CLVS1: variants seen among roughly 807,000 people sequenced by gnomAD.
CLVS1 encodes the protein clavesin-1.
A neutral mutation model predicts 33.1 loss-of-function variants in CLVS1; 10 were observed. The ratio of observed to expected loss-of-function variants is 0.30; its 90% confidence interval spans 0.19 to 0.51. The LOEUF is 0.51. CLVS1 is among the 20% of genes least tolerant of loss of function. The pLI is 0.97. For synonymous variants in CLVS1, 163 were observed against 166.1 expected (o/e 0.98, Z 0.14); for missense variants, 343 against 433.4 (o/e 0.79, Z 1.85).
intron 2 of CLVS1, 46 bp downstream of exon 2, chr8:61,300,328 A>G: frequency 6.7e-7 from 1 of 1,481,722 alleles, no homozygotes. Context: ...TGCTATAAGC[A>G]TTATCACTGC....
intron 2 of CLVS1, among the ~76,000 whole-genome samples, chr8:61,302,805 C>T (rs746181682): frequency 1.7e-3 from 257 of 152,128 alleles, no homozygotes; most frequent in Non-Finnish European, 3.0e-3. Context: ...GAAAGCATTG[C>T]GAGGGAGGCC....
the CLVS1 span, among the ~76,000 whole-genome samples, chr8:60,978,185 A>T: frequency 6.6e-6 from 1 of 152,276 alleles, no homozygotes; most frequent in Non-Finnish European, 1.5e-5. Context: ...GACAGTAGAT[A>T]TTAATAGTAA....
At chr8:61,403,596 T>C (rs1469391429) in intron 3 of CLVS1, among the ~76,000 whole-genome samples, 1 of 152,120 alleles carries the variant, frequency 6.6e-6, no homozygotes, top group African/African-American at 2.4e-5. Context: ...GTGTGATATT[T>C]AAAAATGAGA....
the CLVS1 span, among the ~76,000 whole-genome samples, chr8:61,025,835 C>G: frequency 2.0e-5 from 3 of 152,174 alleles, no homozygotes; most frequent in Non-Finnish European, 2.9e-5. Context: ...TAGCCTAATA[C>G]AATAATTTGT....
intron 2 of CLVS1, among the ~76,000 whole-genome samples, chr8:61,233,539 A>C (rs1324460740): frequency 3.3e-5 from 5 of 151,908 alleles, no homozygotes; most frequent in Admixed American, 2.6e-4. Flanking sequence ...GAAAAAGAAA[A>C]AGAAAAAAAA....
chr8:61,073,065 G>A (rs1055451160), intron 1 of CLVS1, among the ~76,000 whole-genome samples: 1 of 152,136 alleles, frequency 6.6e-6, no homozygotes, highest in Non-Finnish European at 1.5e-5. Flanking sequence ...AGGAATGGGA[G>A]CAGTATAGTG....
intron 3 of CLVS1, among the ~76,000 whole-genome samples, chr8:61,416,540 G>T (rs115048731): frequency 1.3e-5 from 2 of 152,100 alleles, no homozygotes; most frequent in African/African-American, 4.8e-5. Context: ...TGTATAATGG[G>T]CATTAGCTCC....
At chr8:61,480,920 C>T (rs1281716191) in intron 5 of CLVS1, among the ~76,000 whole-genome samples, 1 of 152,140 alleles carries the variant, frequency 6.6e-6, no homozygotes, top group Non-Finnish European at 1.5e-5. Flanking sequence ...GTGATCCGCA[C>T]TTCTCAGCTG....
intron 2 of CLVS1, among the ~76,000 whole-genome samples, chr8:61,166,754 C>G (rs1202721747): frequency 1.3e-5 from 2 of 151,958 alleles, no homozygotes; most frequent in African/African-American, 2.4e-5. Context: ...ATGCAAAGAG[C>G]CGGGAAACAG....
intron 2 of CLVS1, among the ~76,000 whole-genome samples, chr8:61,150,120 G>GTGTGTGTGTGTGTGTA (rs1563421704): frequency 2.6e-5 from 4 of 151,964 alleles, no homozygotes; most frequent in Non-Finnish European, 1.5e-5. Context: ...GTGTGTGTGT[G>GTGTGTGTGTGTGTGTA]TGTGTGTGAC....
At chr8:61,044,286 C>T in the CLVS1 span, among the ~76,000 whole-genome samples, 4 of 152,156 alleles carry the variant, frequency 2.6e-5, no homozygotes, top group South Asian at 8.3e-4. Flanking sequence ...CTGTATGCCA[C>T]GTGAAAAATA....
intron 1 of CLVS1, among the ~76,000 whole-genome samples, chr8:61,068,668 C>T (rs1252618355): frequency 6.6e-6 from 1 of 152,098 alleles, no homozygotes; most frequent in Non-Finnish European, 1.5e-5. Context: ...CAGTCTTCTA[C>T]AATTTACCTA....
chr8:61,256,889 A>G (rs996769770), intron 2 of CLVS1, among the ~76,000 whole-genome samples: 1 of 152,208 alleles, frequency 6.6e-6, no homozygotes, highest in Non-Finnish European at 1.5e-5. Context: ...CAAGTTTTAG[A>G]ATCCAGAGCT....
intron 1 of CLVS1, among the ~76,000 whole-genome samples, chr8:61,116,438 C>T (rs540579992): frequency 9.3e-4 from 142 of 152,304 alleles, no homozygotes; most frequent in African/African-American, 3.3e-3. Flanking sequence ...GACAGGAAGT[C>T]CTTGCCCATG....
the CLVS1 span, among the ~76,000 whole-genome samples, chr8:60,979,192 CTG>C: frequency 6.6e-6 from 1 of 152,146 alleles, no homozygotes; most frequent in African/African-American, 2.4e-5. Flanking sequence ...TTGAACAACT[CTG>C]TTTTCTTATC....
Position 61,248,893 on chromosome 8 carries a change from G to A in CLVS1, c.-151-50784G>A, listed in dbSNP as rs149252551. Among the ~76,000 whole-genome samples, 821 of 152,098 alleles carry A rather than the reference G, an allele frequency of 5.4e-3. 10 individuals carry two copies. Among genetic ancestry groups the A allele is most frequent in the African/African-American group, 0.019 (772 of 41,496 alleles). Reference sequence around the variant, plus strand: ...ATACATATGAGGTTAATGAGGGATCGTCAACTATGAGCTATATGAAATGCA... The same window carrying A: ...ATACATATGAGGTTAATGAGGGATCATCAACTATGAGCTATATGAAATGCA... On this transcript the variant is annotated intron_variant, in intron 2 of 2. Coordinates refer to the CLVS1 transcript ENST00000522621.
intron 2 of CLVS1, among the ~76,000 whole-genome samples, chr8:61,308,973 A>G (rs1223005637): frequency 6.6e-6 from 1 of 152,216 alleles, no homozygotes; most frequent in East Asian, 1.9e-4. Flanking sequence ...TAAGTGGCAA[A>G]GTAGCCCAAG....
chr8:61,135,819 A>C (rs553750055), intron 2 of CLVS1, among the ~76,000 whole-genome samples: 2 of 152,356 alleles, frequency 1.3e-5, no homozygotes, highest in South Asian at 2.1e-4. Flanking sequence ...CTCACAAAAG[A>C]AAAGAGCCTC....
chr8:61,237,802 G>A lies in CLVS1; in HGVS notation c.-151-61875G>A, dbSNP rs1428360789. ...AGATGGTCAGACCAAGAAAGGTTGG[G>A]GCCTTTTGTTTTCTCCAAATCCACG... On this transcript the variant is annotated intron_variant, in intron 2 of 2. Transcript: ENST00000522621. Among the ~76,000 whole-genome samples, 20 of 150,808 alleles carry A rather than the reference G, an allele frequency of 1.3e-4. No individual in the cohort carries two copies. In the East Asian group the frequency reaches 3.5e-3, roughly 26 times the overall value.
Sources: allele counts gnomAD v4.1 joint callset (sites outside exome capture counted in the v4.1 genomes callset), GRCh38; gene constraint gnomAD v4.1.1; transcripts MANE v1.5; gene names NCBI Gene and HGNC (gene_info 2026-07-23, HGNC 2026-07-21).